Variants in CPNE8 observed in about 807,000 individuals in gnomAD.
CPNE8 encodes the protein copine 8, also known as copine-8.
Under a neutral mutation model 81.5 loss-of-function variants are expected in CPNE8, and 45 were observed. The observed-to-expected ratio is 0.55, with a 90% CI of 0.44 to 0.71. The LOEUF is 0.71. Ranked by LOEUF, CPNE8 falls within the 30% of genes least tolerant of loss-of-function variation. The pLI, the probability that CPNE8 is intolerant of heterozygous loss-of-function variation, is 0.00. For synonymous variants in CPNE8, 252 were observed against 226.3 expected, an observed-to-expected ratio of 1.11 and a Z score of -1.02; for missense variants, 594 against 672.1, an observed-to-expected ratio of 0.88 and a Z score of 1.28.
rs369886604 is a variant in CPNE8, at chr12:38,823,747, T to G, written c.407+5632A>C. Among the ~76,000 whole-genome samples the G allele has an allele frequency of 7.2e-5, 11 of 152,162 alleles. No individual in the cohort carries two copies. In the South Asian group the frequency reaches 2.3e-3, roughly 31 times the overall value. On this transcript the variant is annotated intron_variant, in intron 6 of 19. Coordinates refer to ENST00000331366, the MANE Select transcript of CPNE8 (RefSeq NM_153634.3). ...AATATTTTCCTCCCAGAGGAGAGAATGGCAATCTTTCTTAAACCGGTGCTG... is the reference window on the plus strand; with the variant it reads ...AATATTTTCCTCCCAGAGGAGAGAAGGGCAATCTTTCTTAAACCGGTGCTG...
intron 19 of CPNE8, among the ~76,000 whole-genome samples, chr12:38,661,218 T>C (rs897365379): frequency 1.3e-5 from 2 of 152,104 alleles, no homozygotes; most frequent in African/African-American, 4.8e-5. Context: ...CAAATGTCCA[T>C]CAATGATAGA....
At chr12:38,729,919 C>A (rs1405744781) in intron 11 of CPNE8, among the ~76,000 whole-genome samples, 1 of 151,576 alleles carries the variant, frequency 6.6e-6, no homozygotes, top group Admixed American at 6.6e-5. Context: ...GACCACAGCT[C>A]ATTTTATAAC....
chr12:38,888,419 GT>G (rs1196893970), intron 1 of CPNE8, among the ~76,000 whole-genome samples: 1 of 152,082 alleles, frequency 6.6e-6, no homozygotes, highest in Non-Finnish European at 1.5e-5. Flanking sequence ...GGCAAGGTTG[GT>G]TTTTTTCTTC....
At chr12:38,657,500 T>C (rs1819566004) in intron 19 of CPNE8, among the ~76,000 whole-genome samples, 1 of 152,116 alleles carries the variant, frequency 6.6e-6, no homozygotes, top group African/African-American at 2.4e-5. Flanking sequence ...AACATCCCTG[T>C]CTGACAGCCC....
chr12:38,813,000 A>C (rs1258303926), intron 6 of CPNE8, among the ~76,000 whole-genome samples: 2 of 152,208 alleles, frequency 1.3e-5, no homozygotes, highest in Non-Finnish European at 2.9e-5. Context: ...GAGCAGATAC[A>C]TTGTTGTGAG....
chr12:38,783,722 T>A lies in CPNE8; in HGVS notation c.408-7421A>T, dbSNP rs575192885. On this transcript the variant is annotated intron_variant, in intron 6 of 19. Coordinates refer to ENST00000331366, the MANE Select transcript of CPNE8 (RefSeq NM_153634.3). Reference sequence around the variant, plus strand: ...AAAGTAAGGAAATAGAACAAGAGTCTCTGCCAGGTAATCCAAAGAACTCTT... The same window carrying A: ...AAAGTAAGGAAATAGAACAAGAGTCACTGCCAGGTAATCCAAAGAACTCTT... 1.8e-4 allele frequency among the ~76,000 whole-genome samples: 27 copies of A among 152,322 alleles called. No individual in the cohort carries two copies. The East Asian group carries it at 4.4e-3, about 25-fold the overall frequency.
At chr12:38,879,475 T>C (rs533832618) in intron 1 of CPNE8, among the ~76,000 whole-genome samples, 1 of 152,312 alleles carries the variant, frequency 6.6e-6, no homozygotes, top group South Asian at 2.1e-4. Flanking sequence ...AAGTATTTTG[T>C]CTATTATATT....
At chr12:38,723,933 A>T in intron 12 of CPNE8, 100 bp from the exon 13 acceptor site, 1 of 711,294 alleles carries the variant, frequency 1.4e-6, no homozygotes, top group Non-Finnish European at 2.5e-6. Flanking sequence ...GCATTTTGAA[A>T]CTCACTAAAG....
At chr12:38,684,305 T>C (rs576508787) in intron 16 of CPNE8, among the ~76,000 whole-genome samples, 1 of 152,186 alleles carries the variant, frequency 6.6e-6, no homozygotes, top group Admixed American at 6.5e-5. Flanking sequence ...AGATTGTATT[T>C]AAGAAAAGAG....
intron 5 of CPNE8, among the ~76,000 whole-genome samples, chr12:38,835,151 C>T (rs921533323): frequency 6.6e-6 from 1 of 152,154 alleles, no homozygotes; most frequent in South Asian, 2.1e-4. Flanking sequence ...TCTCAAAGTG[C>T]TGGGATTACA....
chr12:38,880,061 C>T (rs531602156), intron 1 of CPNE8, among the ~76,000 whole-genome samples: 1 of 152,202 alleles, frequency 6.6e-6, no homozygotes, highest in South Asian at 2.1e-4. Flanking sequence ...TCTATAGGGA[C>T]AAAAATACAG....
intron 10 of CPNE8, among the ~76,000 whole-genome samples, chr12:38,744,132 C>A (rs1335092292): frequency 6.6e-6 from 1 of 152,136 alleles, no homozygotes; most frequent in Non-Finnish European, 1.5e-5. Flanking sequence ...AAGAAATAGC[C>A]GGTTTTCACA....
intron 6 of CPNE8, among the ~76,000 whole-genome samples, chr12:38,794,359 G>A (rs1463981011): frequency 2.0e-5 from 3 of 151,984 alleles, no homozygotes; most frequent in African/African-American, 4.8e-5. Flanking sequence ...ATTAAAAAGT[G>A]AACATAGGGC....
chr12:38,797,171 G>C (rs1345289514), intron 6 of CPNE8, among the ~76,000 whole-genome samples: 3 of 152,212 alleles, frequency 2.0e-5, no homozygotes, highest in Non-Finnish European at 4.4e-5. Flanking sequence ...AAATGTCCCT[G>C]TCTGACAGCT....
chr12:38,905,434 C>T lies in CPNE8; in HGVS notation c.98+3G>A. 1 of 1,559,478 alleles carries T rather than the reference C, an allele frequency of 6.4e-7. No individual in the cohort carries two copies. Among genetic ancestry groups the T allele is most frequent in the Non-Finnish European group, 8.7e-7 (1 of 1,152,100 alleles). ...GGAGAGAGGGGAAGGGCTGCGTCCT[C>T]ACCTGCAGGACACGGACACCTCCAC... On this transcript the variant is annotated splice_donor_region_variant and intron_variant, in intron 1 of 19. Coordinates refer to ENST00000331366, the MANE Select transcript of CPNE8 (RefSeq NM_153634.3).
At chr12:38,724,822 T>TA in intron 12 of CPNE8, 24 bp downstream of exon 12, 1 of 1,362,350 alleles carries the variant, frequency 7.3e-7, no homozygotes, top group South Asian at 1.2e-5. Flanking sequence ...TAATCTTTAA[T>TA]AAATAACATA....
intron 5 of CPNE8, among the ~76,000 whole-genome samples, chr12:38,837,928 AG>A (rs1943412557): frequency 6.6e-6 from 1 of 152,214 alleles, no homozygotes; most frequent in South Asian, 2.1e-4. Context: ...AAGATTTGAA[AG>A]GAAATATACA....
intron 3 of CPNE8, among the ~76,000 whole-genome samples, chr12:38,864,375 T>A (rs544801725): frequency 6.6e-6 from 1 of 152,236 alleles, no homozygotes; most frequent in Non-Finnish European, 1.5e-5. Flanking sequence ...AAGGCCCACC[T>A]AGCCTAAAAT....
chr12:38,757,688 T>C (rs1233501598), intron 10 of CPNE8, among the ~76,000 whole-genome samples: 2 of 152,128 alleles, frequency 1.3e-5, no homozygotes, highest in East Asian at 3.9e-4. Flanking sequence ...ATACACTAAA[T>C]TTTCTACATT....
Sources: allele counts gnomAD v4.1 joint callset (sites outside exome capture counted in the v4.1 genomes callset), GRCh38; gene constraint gnomAD v4.1.1; transcripts MANE v1.5; gene names NCBI Gene and HGNC (gene_info 2026-07-23, HGNC 2026-07-21).